LARP1B: variants seen among roughly 807,000 people sequenced by gnomAD.
LARP1B encodes the protein La ribonucleoprotein 1B.
LARP1B carries 76 observed loss-of-function variants against 114.2 expected under a neutral mutation model. That is an observed-to-expected ratio of 0.67 (90% CI 0.55 to 0.81). The LOEUF (loss-of-function observed/expected upper bound fraction) is 0.81, where lower values mean the gene tolerates loss of function less well. LARP1B is among the 30% of genes least tolerant of loss of function. The probability of loss-of-function intolerance (pLI) is 0.00; values close to 1 mark genes in which losing one functional copy is unlikely to be tolerated. For missense variants in LARP1B, 1,014 were observed against 1,075.8 expected (o/e 0.94, Z 0.80); for synonymous variants, 345 against 348.0 (o/e 0.99, Z 0.10).
intron 9 of LARP1B, among the ~76,000 whole-genome samples, chr4:128,110,634 G>A (rs1470411326): frequency 4.1e-5 from 4 of 97,018 alleles, no homozygotes; most frequent in Non-Finnish European, 7.3e-5. Context: ...CCGAGATCCC[G>A]CCACTGCACT....
At chr4:128,143,681 C>A (rs544799524) in intron 11 of LARP1B, among the ~76,000 whole-genome samples, 1 of 151,854 alleles carries the variant, frequency 6.6e-6, no homozygotes, top group African/African-American at 2.4e-5. Context: ...AATTAATAAG[C>A]AGAAATATGA....
At chr4:128,122,486 C>G (rs756521923) in intron 11 of LARP1B, 8 of 1,508,258 alleles carry the variant, frequency 5.3e-6, no homozygotes, top group Non-Finnish European at 6.2e-6. Flanking sequence ...TTTTAGGTGA[C>G]AATACTGAGA....
intron 9 of LARP1B, among the ~76,000 whole-genome samples, chr4:128,109,876 T>G (rs1783424738): frequency 6.6e-6 from 1 of 151,926 alleles, no homozygotes; most frequent in Admixed American, 6.6e-5. Context: ...ATGTATATGG[T>G]GATTTATCTT....
intron 11 of LARP1B, among the ~76,000 whole-genome samples, chr4:128,139,654 TCA>T (rs145939804): frequency 8.7e-5 from 13 of 149,898 alleles, no homozygotes; most frequent in East Asian, 3.9e-4. Context: ...AGTGAGACTG[TCA>T]CACACACACA....
At chr4:128,086,856 A>G (rs903376134) in intron 5 of LARP1B, among the ~76,000 whole-genome samples, 2 of 151,990 alleles carry the variant, frequency 1.3e-5, no homozygotes, top group African/African-American at 2.4e-5. Flanking sequence ...GCTGGAGTGC[A>G]GTGGCGCGAT....
chr4:128,085,594 C>T (rs1265016539), intron 5 of LARP1B, among the ~76,000 whole-genome samples: 1 of 152,100 alleles, frequency 6.6e-6, no homozygotes, highest in Non-Finnish European at 1.5e-5. Context: ...TCTTGAACTC[C>T]TAGCCTCAAG....
intron 9 of LARP1B, among the ~76,000 whole-genome samples, chr4:128,113,781 CTTTTTTTTTTTT>C (rs1156610852): frequency 4.4e-5 from 5 of 114,238 alleles, no homozygotes; most frequent in East Asian, 2.6e-4. Flanking sequence ...GACATTTACT[CTTTTTTTTTTTT>C]TTTTTTTTTT....
intron 8 of LARP1B, among the ~76,000 whole-genome samples, chr4:128,102,791 T>C (rs1271943321): frequency 6.6e-6 from 1 of 152,212 alleles, no homozygotes; most frequent in African/African-American, 2.4e-5. Context: ...CTTGTTAAAA[T>C]ATAGCAAATA....
intron 11 of LARP1B, among the ~76,000 whole-genome samples, chr4:128,161,982 A>G (rs1018344776): frequency 1.1e-4 from 16 of 152,284 alleles, no homozygotes; most frequent in African/African-American, 3.8e-4. Flanking sequence ...TTAATTATAA[A>G]ATCATTATAA....
chr4:128,082,133 A>G lies in LARP1B; in HGVS notation c.218-32A>G, dbSNP rs1365397684. The G allele has an allele frequency of 2.5e-6, 4 of 1,600,502 alleles. No homozygotes were observed. The East Asian group carries it at 6.7e-5, about 27-fold the overall frequency. On this transcript the variant is annotated intron_variant, in intron 4 of 19. Transcript: ENST00000326639. ...TGCAAGGGTTTAGTGAAAATTGTACATTTGTCCTTAAATGATTTTGTTTTC... is the reference window on the plus strand; with the variant it reads ...TGCAAGGGTTTAGTGAAAATTGTACGTTTGTCCTTAAATGATTTTGTTTTC...
intron 5 of LARP1B, among the ~76,000 whole-genome samples, chr4:128,084,968 A>G (rs1459649003): frequency 2.0e-5 from 3 of 151,800 alleles, no homozygotes; most frequent in Admixed American, 6.6e-5. Context: ...GGTTCAAGCA[A>G]TTCTTCTGTT....
chr4:128,061,910 C>A, intron 1 of LARP1B: 2 of 985,224 alleles, frequency 2.0e-6, no homozygotes, highest in Non-Finnish European at 2.4e-6. Context: ...GGTGCTGGGA[C>A]GCAGCGTGCC....
Position 128,112,856 on chromosome 4 carries a change from T to C in LARP1B, c.989-1714T>C, listed in dbSNP as rs139013242. Among the ~76,000 whole-genome samples, 10 of 152,284 alleles carry C rather than the reference T, an allele frequency of 6.6e-5. No individual in the cohort carries two copies. The East Asian group carries it at 1.9e-3, about 29-fold the overall frequency. On this transcript the variant is annotated intron_variant, in intron 9 of 19. Coordinates refer to ENST00000326639, the MANE Select transcript of LARP1B (RefSeq NM_018078.4). ...TAGTCTTTTATAAATAATACAGTAA[T>C]CTAGTAGTTGAGTCCTGGTTGAGTC...
intron 1 of LARP1B, among the ~76,000 whole-genome samples, chr4:128,072,907 A>G (rs1046448596): frequency 6.6e-6 from 1 of 152,160 alleles, no homozygotes; most frequent in Non-Finnish European, 1.5e-5. Flanking sequence ...TTCCATGTCA[A>G]TACATATACA....
Position 128,200,712 on chromosome 4 carries a change from CTTCT to C in LARP1B, c.2309+50_2309+53del, listed in dbSNP as rs753907728. On this transcript the variant is annotated intron_variant, in intron 17 of 19. Coordinates refer to ENST00000326639, the MANE Select transcript of LARP1B (RefSeq NM_018078.4). ...TTCAAGGGAGTTTTATTATTTTCTT[CTTCT>C]TTTTTTCTTTACCCAGGTAGATCCG... 10 of 1,373,782 alleles carry C rather than the reference CTTCT, an allele frequency of 7.3e-6. No homozygotes were observed. In the East Asian group the frequency reaches 2.5e-4, roughly 35 times the overall value. The allele number at this position is 1,373,782 out of a possible 1,614,324, so 85.1% of individuals were successfully genotyped here.
intron 15 of LARP1B, among the ~76,000 whole-genome samples, chr4:128,181,926 C>T (rs1279070048): frequency 6.6e-6 from 1 of 151,134 alleles, no homozygotes; most frequent in Non-Finnish European, 1.5e-5. Context: ...CTGCCTCAGC[C>T]TCCTGAGTAG....
chr4:128,156,970 T>C (rs1473550979), intron 11 of LARP1B, among the ~76,000 whole-genome samples: 1 of 150,128 alleles, frequency 6.7e-6, no homozygotes, highest in East Asian at 2.0e-4. Flanking sequence ...AGTTCCATCC[T>C]AAGCCTCAAG....
intron 16 of LARP1B, 25 bp downstream of exon 16, chr4:128,199,624 C>T: frequency 1.6e-6 from 2 of 1,223,568 alleles, no homozygotes; most frequent in Non-Finnish European, 2.1e-6. Flanking sequence ...CTTTATCTAT[C>T]TAATATATTT....
chr4:128,080,316 A>C (rs1487530859), intron 4 of LARP1B, among the ~76,000 whole-genome samples: 2 of 152,206 alleles, frequency 1.3e-5, no homozygotes, highest in African/African-American at 4.8e-5. Flanking sequence ...AAAACTGGTC[A>C]GTCAACAGTA....
Sources: gnomAD v4.1 joint callset for allele counts (sites outside exome capture counted in the v4.1 genomes callset) on GRCh38, gnomAD v4.1.1 for gene constraint, MANE v1.5 for transcripts, NCBI Gene and HGNC (gene_info 2026-07-23, HGNC 2026-07-21) for gene names.